The following CEP290 variants were observed in gnomAD, a reference collection of about 807,000 sequenced individuals.
The protein encoded by CEP290 is centrosomal protein of 290 kDa.
A neutral mutation model predicts 344.9 loss-of-function variants in CEP290; 317 were observed. That is an observed-to-expected ratio of 0.92 (90% confidence interval 0.84 to 1.01). The LOEUF is 1.01. CEP290 is among the 50% of genes least tolerant of loss of function. The pLI is 0.00. For missense variants in CEP290, 2,754 were observed against 2,761.4 expected, an observed-to-expected ratio of 1.00 and a Z score of 0.06; for synonymous variants, 932 against 895.8, an observed-to-expected ratio of 1.04 and a Z score of -0.72.
intron 39 of CEP290, among the ~76,000 whole-genome samples, chr12:88,078,254 G>A (rs904194705): frequency 2.0e-5 from 3 of 151,882 alleles, no homozygotes; most frequent in South Asian, 2.1e-4. Flanking sequence ...ATATGACAAC[G>A]TTTTAAACAC....
At chr12:88,140,908 A>T in intron 3 of CEP290, 48 bp downstream of exon 3, 2 of 1,241,746 alleles carry the variant, frequency 1.6e-6, no homozygotes, top group East Asian at 2.5e-5. Flanking sequence ...AGATTTTTAT[A>T]GTTCCACTAA....
chr12:88,134,524 C>T (rs1433332733), intron 6 of CEP290, among the ~76,000 whole-genome samples: 1 of 152,200 alleles, frequency 6.6e-6, no homozygotes, highest in Non-Finnish European at 1.5e-5. Flanking sequence ...TAGGAACTGG[C>T]CCTTGCTTAT....
chr12:88,058,304 A>C (rs1167588039), intron 49 of CEP290: 1 of 152,916 alleles, frequency 6.5e-6, no homozygotes. Flanking sequence ...AAGTACCAGA[A>C]AGCAGAAGCT....
intron 6 of CEP290, among the ~76,000 whole-genome samples, chr12:88,133,651 G>A (rs2138162363): frequency 6.6e-6 from 1 of 152,192 alleles, no homozygotes; most frequent in East Asian, 1.9e-4. Flanking sequence ...CTCCCACAAT[G>A]GTTGAACTAA....
At position 88,080,462 on chromosome 12, in the gene CEP290, C is replaced by T. The variant is rs2036120254; in HGVS notation, c.5013-67G>A. 1.7e-5 allele frequency: 19 copies of T among 1,144,754 alleles called. No individual in the cohort carries two copies. The South Asian group carries it at 2.7e-4, about 16-fold the overall frequency. The allele number at this position is 1,144,754 out of a possible 1,614,324, so 70.9% of individuals were successfully genotyped here. ...TTAATTTTTTTGAGACCCAGTCTCA[C>T]TCTGTCACCCAGGCTGGAGTGCAGC... On this transcript the variant is annotated intron_variant, in intron 37 of 53. Transcript: ENST00000552810.
chr12:88,133,496 T>A (rs775035777), intron 6 of CEP290, among the ~76,000 whole-genome samples: 5 of 152,156 alleles, frequency 3.3e-5, no homozygotes, highest in Non-Finnish European at 7.3e-5. Flanking sequence ...GTCTTTGCTA[T>A]TGTGAATAGT....
At chr12:88,077,367 A>G in intron 40 of CEP290, 23 bp from the exon 41 acceptor site, 1 of 1,366,452 alleles carries the variant, frequency 7.3e-7, no homozygotes, top group Non-Finnish European at 9.8e-7. Flanking sequence ...ATGTAACTTT[A>G]TATTTTTACA....
chr12:88,100,212 G>A (rs370933917), intron 26 of CEP290, among the ~76,000 whole-genome samples: 20 of 151,660 alleles, frequency 1.3e-4, no homozygotes, highest in African/African-American at 4.8e-4. Flanking sequence ...AGAGGTTGCA[G>A]TAAGCCAAGA....
Position 88,109,122 on chromosome 12 carries a change from G to C in CEP290, c.2427C>G (p.Asn809Lys), listed in dbSNP as rs368436564. 2.0e-6 allele frequency: 3 copies of C among 1,469,414 alleles called. No individual in the cohort carries two copies. The highest frequency in any genetic ancestry group is 1.4e-5 in the South Asian group (1 of 70,956). The allele number at this position is 1,469,414 out of a possible 1,614,324, so 91.0% of individuals were successfully genotyped here. The change falls in exon 23 of 54, where the codon AAC becomes AAG. Residue 809 changes from asparagine (N) to lysine (K), a missense_variant. Coordinates refer to ENST00000552810, the MANE Select transcript of CEP290 (RefSeq NM_025114.4). ...GATGACGAATTACAGCAAATTTTCT[G>C]TTGTAATCTTCAAGAGAATCTTCTA... Reference protein sequence around the residue: ...KNLEDSLEDYNRKFAVIRHQQ... With the variant: ...KNLEDSLEDYKRKFAVIRHQQ...
rs1390508407 is a variant in CEP290, at chr12:88,120,209, T to C, written c.1427A>G (p.Asp476Gly). Residue 476 changes from aspartate (D) to glycine (G), a missense_variant, in exon 15 of 54, where the codon GAT becomes GGT. By Grantham distance (94) the Asp-to-Gly change is moderately conservative. Transcript: ENST00000552810. ...KNCKNQIKIR[D>G]REIEILTKEI... is the part of the protein sequence containing the mutation. ...CTTTGTTAATATTTCAATCTCTCGA[T>C]CTCTTATTTTAATTTGGTTTTTACA... 1.3e-6 allele frequency: 2 copies of C among 1,513,622 alleles called. No homozygotes were observed. The highest frequency in any genetic ancestry group is 1.4e-5 in the African/African-American group (1 of 71,620). The allele number at this position is 1,513,622 out of a possible 1,614,324, so 93.8% of individuals were successfully genotyped here. A position where few individuals can be genotyped will look rare whatever the true frequency, so the allele number is the denominator to read the frequency against.
At chr12:88,132,577 T>G (rs944622889) in intron 6 of CEP290, among the ~76,000 whole-genome samples, 2 of 152,168 alleles carry the variant, frequency 1.3e-5, no homozygotes, top group Non-Finnish European at 2.9e-5. Context: ...AATTAGCTCT[T>G]AAATGACTCA....
At position 88,059,990 on chromosome 12, in the gene CEP290, C is replaced by T. The variant is rs770515697; in HGVS notation, c.6553G>A (p.Gly2185Arg). ...TCATAGTGCATGCTCAACTGATGCC[C>T]AAGATGAGCTTTAAGTTTTTCTAAT... ...AELEKLKAHL[G>R]HQLSMHYESK... The change falls in exon 48 of 54, where the codon GGG becomes AGG. Residue 2185 changes from glycine to arginine, a missense_variant. Transcript: ENST00000552810. The T allele has an allele frequency of 6.4e-7, 1 of 1,568,366 alleles. No homozygotes were observed. Among genetic ancestry groups the T allele is most frequent in the Non-Finnish European group, 8.6e-7 (1 of 1,159,096 alleles).
chr12:88,088,895 A>G (rs1489649769), intron 31 of CEP290, 137 bp downstream of exon 31: 1 of 508,504 alleles, frequency 2.0e-6, no homozygotes, highest in Non-Finnish European at 3.3e-6. Flanking sequence ...ACTGCCAGCT[A>G]CAACTACTCA....
At position 88,117,151 on chromosome 12, in the gene CEP290, T is replaced by C. The variant is rs1452155200; in HGVS notation, c.1712-6A>G. ...CAGGTCCTCAGTGGTTAATCCTATA[T>C]ATAAGAGAATTAACAAACTAAAAAC... On this transcript the variant is annotated splice_polypyrimidine_tract_variant and splice_region_variant and intron_variant, in intron 17 of 53. Transcript: ENST00000552810. 8.1e-6 allele frequency: 11 copies of C among 1,349,740 alleles called. No homozygotes were observed. The highest frequency in any genetic ancestry group is 2.9e-5 in the African/African-American group (2 of 67,972). 83.6% of individuals were successfully genotyped at this position (1,349,740 alleles called of 1,614,324 possible). A position where few individuals can be genotyped will look rare whatever the true frequency, so the allele number is the denominator to read the frequency against.
Position 88,068,051 on chromosome 12 carries a change from A to C in CEP290, c.6135+471T>G, listed in dbSNP as rs891848999. Among the ~76,000 whole-genome samples the C allele has an allele frequency of 2.6e-5, 4 of 152,222 alleles. No individual in the cohort carries two copies. The East Asian group carries it at 7.7e-4, about 29-fold the overall frequency. ...TGTGTCACACACCTGATTCTGCTTA[A>C]GGTGGAAGAATGAAGAAACATGGAA... On this transcript the variant is annotated intron_variant, in intron 44 of 53. Transcript: ENST00000552810.
In CEP290 at chr12:88,079,180, G is replaced by C; in HGVS notation, c.5276C>G (p.Ala1759Gly). 1 of 1,601,276 alleles carries C rather than the reference G, an allele frequency of 6.2e-7. No individual in the cohort carries two copies. The highest frequency in any genetic ancestry group is 1.7e-4 in the Middle Eastern group (1 of 6,042). The change falls in exon 39 of 54, where the codon GCT becomes GGT. Residue 1759 changes from alanine to glycine, a missense_variant. Ala to Gly is a moderately conservative substitution (Grantham distance 60, BLOSUM62 0). Transcript: ENST00000552810. Reference sequence around the variant, plus strand: ...AGTTGCAGAAATAATACGTTCTTCAGCAGCTGCTGTCATTTCTGCCCGGAG... The same window carrying C: ...AGTTGCAGAAATAATACGTTCTTCACCAGCTGCTGTCATTTCTGCCCGGAG... ...LELRAEMTAA[A>G]EERIISATSQ...
intron 5 of CEP290, among the ~76,000 whole-genome samples, chr12:88,137,043 C>A (rs555305647): frequency 6.6e-6 from 1 of 152,092 alleles, no homozygotes; most frequent in African/African-American, 2.4e-5. Flanking sequence ...TCTGTTGTAA[C>A]CACTGGGCCA....
In CEP290 at chr12:88,117,143, A is replaced by G; in HGVS notation, c.1714T>C (p.Leu572=). The G allele has an allele frequency of 7.0e-7, 1 of 1,437,278 alleles. No homozygotes were observed. Among genetic ancestry groups the G allele is most frequent in the Non-Finnish European group, 9.6e-7 (1 of 1,043,126 alleles). 89.0% of individuals were successfully genotyped at this position (1,437,278 alleles called of 1,614,324 possible). Residue 572 remains leucine, a splice_region_variant and synonymous_variant, in exon 18 of 54, where the codon TTA becomes CTA. Transcript: ENST00000552810. ...GTTAGGTTCAGGTCCTCAGTGGTTA[A>G]TCCTATATATAAGAGAATTAACAAA... ...ERGKRSATSG[L]TTEDLNLTEN...
In CEP290 at chr12:88,062,016, T is replaced by G. The variant is rs189003579; in HGVS notation, c.6357+676A>C. Among the ~76,000 whole-genome samples, 320 of 152,272 alleles carry G rather than the reference T, an allele frequency of 2.1e-3. 1 individual carries two copies. Among genetic ancestry groups the G allele is most frequent in the African/African-American group, 7.3e-3 (302 of 41,554 alleles). On this transcript the variant is annotated intron_variant, in intron 46 of 53. Coordinates refer to ENST00000552810, the MANE Select transcript of CEP290 (RefSeq NM_025114.4). The stretch of plus-strand genomic sequence containing the variant: ...CTGGTCTTGAACTCCTGACTTCCAG[T>G]GATCTGCCCGCCTCGGCCTCCCAAA...
Sources: allele counts gnomAD v4.1 joint callset (sites outside exome capture counted in the v4.1 genomes callset), GRCh38; gene constraint gnomAD v4.1.1; transcripts MANE v1.5; gene names NCBI Gene and HGNC (gene_info 2026-07-23, HGNC 2026-07-21).